Variants in PELI1 observed in about 807,000 individuals in gnomAD.
The protein encoded by PELI1 is pellino E3 ubiquitin protein ligase 1.
A neutral mutation model predicts 41.3 loss-of-function variants in PELI1; 15 were observed. The observed-to-expected ratio is 0.36, with a 90% CI of 0.24 to 0.56. The LOEUF is 0.56. PELI1 is among the 20% of genes least tolerant of loss of function. The pLI is 0.82. For synonymous variants in PELI1, 178 were observed against 180.1 expected, an observed-to-expected ratio of 0.99 and a Z score of 0.09; for missense variants, 403 against 525.5, an observed-to-expected ratio of 0.77 and a Z score of 2.28.
At chr2:64,127,777 G>A (rs1681436212) in intron 1 of PELI1, among the ~76,000 whole-genome samples, 1 of 152,156 alleles carries the variant, frequency 6.6e-6, no homozygotes, top group Non-Finnish European at 1.5e-5. Flanking sequence ...AATCTAGGTG[G>A]TTGTCTCAGC....
At chr2:64,134,121 T>C (rs1445225474) in intron 1 of PELI1, among the ~76,000 whole-genome samples, 1 of 152,132 alleles carries the variant, frequency 6.6e-6, no homozygotes, top group Non-Finnish European at 1.5e-5. Flanking sequence ...GCCTACTCAG[T>C]TCTGAAACTC....
intron 1 of PELI1, among the ~76,000 whole-genome samples, chr2:64,117,873 G>A (rs536785154): frequency 8.4e-4 from 127 of 151,680 alleles, no homozygotes; most frequent in African/African-American, 2.6e-3. Flanking sequence ...GGAGTGGAGC[G>A]ATCTCAGCTC....
intron 1 of PELI1, among the ~76,000 whole-genome samples, chr2:64,126,590 G>C (rs1427244563): frequency 6.6e-6 from 1 of 152,206 alleles, no homozygotes; most frequent in Non-Finnish European, 1.5e-5. Flanking sequence ...CAAAAGGTAT[G>C]CCTCCCTATA....
At chr2:64,119,598 C>A (rs374670072) in intron 1 of PELI1, among the ~76,000 whole-genome samples, 40 of 152,316 alleles carry the variant, frequency 2.6e-4, no homozygotes, top group African/African-American at 7.9e-4. Context: ...ATTCCATTGA[C>A]TGAAGTGAGA....
chr2:64,130,541 T>C (rs779077211), intron 1 of PELI1, among the ~76,000 whole-genome samples: 1 of 152,200 alleles, frequency 6.6e-6, no homozygotes, highest in Non-Finnish European at 1.5e-5. Flanking sequence ...AGTTTTATAT[T>C]ATAGTTACAT....
intron 1 of PELI1, among the ~76,000 whole-genome samples, chr2:64,127,264 C>A (rs539311949): frequency 6.6e-6 from 1 of 152,292 alleles, no homozygotes; most frequent in South Asian, 2.1e-4. Flanking sequence ...TGAGGCCGAG[C>A]AAGGTGGCTC....
chr2:64,120,933 T>G (rs1397121100), intron 1 of PELI1, among the ~76,000 whole-genome samples: 1 of 152,230 alleles, frequency 6.6e-6, no homozygotes, highest in African/African-American at 2.4e-5. Context: ...ACCTAGTAAC[T>G]TAATGCCTTG....
chr2:64,101,083 T>C (rs1392008708), intron 3 of PELI1, among the ~76,000 whole-genome samples: 3 of 152,116 alleles, frequency 2.0e-5, no homozygotes, highest in Admixed American at 6.6e-5. Flanking sequence ...TTTTAAATTA[T>C]AATCAAAACC....
At chr2:64,100,087 G>A (rs750234081) in intron 4 of PELI1, among the ~76,000 whole-genome samples, 4 of 152,134 alleles carry the variant, frequency 2.6e-5, no homozygotes, top group Non-Finnish European at 4.4e-5. Flanking sequence ...CTGGCACAGT[G>A]CTGAGTACTC....
Position 64,093,539 on chromosome 2 carries a change from C to T in PELI1, c.*1163G>A, listed in dbSNP as rs1245297804. The T allele has an allele frequency of 6.6e-6, 1 of 152,610 alleles. No individual in the cohort carries two copies. Among genetic ancestry groups the T allele is most frequent in the Non-Finnish European group, 1.5e-5 (1 of 68,032 alleles). The allele number at this position is 152,610 out of a possible 1,614,324, so 9.5% of individuals were successfully genotyped here. A position where few individuals can be genotyped will look rare whatever the true frequency, so the allele number is the denominator to read the frequency against. On this transcript the variant is annotated 3_prime_UTR_variant, in exon 7 of 7. Transcript: ENST00000358912. ...AATAAACAGACCATGCAGTGCGTCACTCCACGCTGCAGTCATTGGTGCTCA... is the reference window on the plus strand; with the variant it reads ...AATAAACAGACCATGCAGTGCGTCATTCCACGCTGCAGTCATTGGTGCTCA...
chr2:64,110,247 G>GA (rs796716135), intron 1 of PELI1, among the ~76,000 whole-genome samples: 27,085 of 99,878 alleles, frequency 0.27, 4,355 homozygotes, highest in African/African-American at 0.45. Context: ...TCCGTCTCAA[G>GA]AAAAAAAAAA....
At chr2:64,101,974 C>A (rs1395631998) in intron 3 of PELI1, among the ~76,000 whole-genome samples, 1 of 151,974 alleles carries the variant, frequency 6.6e-6, no homozygotes, top group Admixed American at 6.6e-5. Flanking sequence ...ATTACAGGTG[C>A]ATGCCACCAC....
intron 1 of PELI1, among the ~76,000 whole-genome samples, chr2:64,121,344 C>G (rs1402760313): frequency 6.6e-6 from 1 of 152,106 alleles, no homozygotes; most frequent in African/African-American, 2.4e-5. Flanking sequence ...ATAACAAAAC[C>G]TGAGGTCCTG....
rs1354886969 is a variant in PELI1, at chr2:64,096,219, T to C, written c.596A>G (p.Glu199Gly). The C allele has an allele frequency of 1.9e-6, 3 of 1,613,886 alleles. No individual in the cohort carries two copies. Among genetic ancestry groups the C allele is most frequent in the Non-Finnish European group, 2.5e-6 (3 of 1,179,744 alleles). The change falls in exon 6 of 7, where the codon GAA becomes GGA. Residue 199 changes from glutamate (E) to glycine (G), a missense_variant. Coordinates refer to ENST00000358912, the MANE Select transcript of PELI1 (RefSeq NM_020651.4). The part of the protein sequence containing the change: ...LVMHPRNGFT[E>G]DSKPGIWREI... Reference sequence around the variant, plus strand: ...TCTCCATATTCCAGGCTTGGAGTCTTCTGTGAACCCATTGCGTGGATGCAT... The same window carrying C: ...TCTCCATATTCCAGGCTTGGAGTCTCCTGTGAACCCATTGCGTGGATGCAT...
chr2:64,109,401 C>T (rs1244097367), intron 1 of PELI1, among the ~76,000 whole-genome samples: 1 of 152,220 alleles, frequency 6.6e-6, no homozygotes, highest in African/African-American at 2.4e-5. Context: ...AAAAGATAGG[C>T]TGGGTGCAGT....
chr2:64,107,053 C>T (rs908057518), intron 2 of PELI1, among the ~76,000 whole-genome samples: 10 of 152,148 alleles, frequency 6.6e-5, no homozygotes, highest in African/African-American at 2.4e-4. Flanking sequence ...CCCAGCCTCC[C>T]AAGTAGCTGG....
intron 1 of PELI1, among the ~76,000 whole-genome samples, chr2:64,134,396 G>A (rs980530719): frequency 1.3e-5 from 2 of 152,102 alleles, no homozygotes; most frequent in Non-Finnish European, 2.9e-5. Context: ...ATTCATCCTA[G>A]TTCCTTTGGA....
At chr2:64,135,180 C>T (rs962448819) in intron 1 of PELI1, among the ~76,000 whole-genome samples, 2 of 152,052 alleles carry the variant, frequency 1.3e-5, no homozygotes, top group South Asian at 4.1e-4. Context: ...TGAAATTCCA[C>T]TAGGCTGTTA....
chr2:64,127,182 A>G (rs1681417321), intron 1 of PELI1, among the ~76,000 whole-genome samples: 1 of 152,226 alleles, frequency 6.6e-6, no homozygotes, highest in African/African-American at 2.4e-5. Flanking sequence ...GATATTTATT[A>G]AACAACAACA....
Sources: gnomAD v4.1 joint callset for allele counts (sites outside exome capture counted in the v4.1 genomes callset) on GRCh38, gnomAD v4.1.1 for gene constraint, MANE v1.5 for transcripts, NCBI Gene and HGNC (gene_info 2026-07-23, HGNC 2026-07-21) for gene names.